The following MARCHF1 variants were observed in gnomAD, a reference collection of about 807,000 sequenced individuals.
MARCHF1 encodes membrane associated ring-CH-type finger 1.
Under a neutral mutation model 54.2 loss-of-function variants are expected in MARCHF1, and 40 were observed. That is an observed-to-expected ratio of 0.74 (90% CI 0.57 to 0.96). MARCHF1 has a LOEUF of 0.96. MARCHF1 is among the 40% of genes least tolerant of loss of function. The pLI, the probability that MARCHF1 is intolerant of heterozygous loss-of-function variation, is 0.00. For synonymous variants in MARCHF1, 236 were observed against 236.3 expected (o/e 1.00, Z 0.01); for missense variants, 586 against 656.5 (o/e 0.89, Z 1.17).
At chr4:163,973,879 G>A (rs1752599337) in intron 3 of MARCHF1, among the ~76,000 whole-genome samples, 1 of 152,192 alleles carries the variant, frequency 6.6e-6, no homozygotes, top group Non-Finnish European at 1.5e-5. Context: ...ATTTAATGAA[G>A]TGAATTTTCC....
At chr4:164,103,879 A>G (rs1755629250) in intron 2 of MARCHF1, among the ~76,000 whole-genome samples, 1 of 142,296 alleles carries the variant, frequency 7.0e-6, no homozygotes, top group East Asian at 2.0e-4. Flanking sequence ...CAAGACTAAT[A>G]AAGAAAAAAA....
intron 1 of MARCHF1, among the ~76,000 whole-genome samples, chr4:164,237,843 T>C (rs542111477): frequency 1.3e-5 from 2 of 152,062 alleles, no homozygotes; most frequent in East Asian, 3.9e-4. Flanking sequence ...AGAATATGCA[T>C]TCTTAAAAAG....
intron 4 of MARCHF1, among the ~76,000 whole-genome samples, chr4:163,725,422 G>T (rs187618894): frequency 4.4e-4 from 67 of 151,670 alleles, no homozygotes; most frequent in African/African-American, 1.5e-3. Flanking sequence ...AGGCTGAAGT[G>T]AGCCATGATT....
chr4:163,968,924 C>T lies in MARCHF1; in HGVS notation c.-39+19577G>A, dbSNP rs567817822. ...TTAGGAGGGCTAAGCTTAATTGCTC[C>T]CCCAGGCTTATGTAAAGCAGGGAGG... On this transcript the variant is annotated intron_variant, in intron 3 of 9. Coordinates refer to ENST00000514618, the MANE Select transcript of MARCHF1 (RefSeq NM_001394959.1). 1.9e-3 allele frequency among the ~76,000 whole-genome samples: 290 copies of T among 152,204 alleles called. 1 individual carries two copies. The highest frequency in any genetic ancestry group is 6.7e-3 in the African/African-American group (278 of 41,546).
At chr4:164,141,921 C>T (rs1215187170) in intron 1 of MARCHF1, among the ~76,000 whole-genome samples, 1 of 133,984 alleles carries the variant, frequency 7.5e-6, no homozygotes, top group African/African-American at 3.3e-5. Context: ...GGGTTCATCT[C>T]ACTAGGGAGT....
chr4:164,318,241 C>T (rs1735048707), intron 1 of MARCHF1, among the ~76,000 whole-genome samples: 1 of 152,104 alleles, frequency 6.6e-6, no homozygotes, highest in African/African-American at 2.4e-5. Flanking sequence ...CAGACTTGTG[C>T]TCTAGAAAAA....
intron 7 of MARCHF1, among the ~76,000 whole-genome samples, chr4:163,591,605 C>A (rs971038584): frequency 6.6e-6 from 1 of 151,988 alleles, no homozygotes; most frequent in Non-Finnish European, 1.5e-5. Context: ...CTAAAGATGG[C>A]AAAGCACTAG....
chr4:163,635,798 G>C (rs1742295755), intron 5 of MARCHF1, among the ~76,000 whole-genome samples: 1 of 152,068 alleles, frequency 6.6e-6, no homozygotes, highest in Non-Finnish European at 1.5e-5. Context: ...CCAAAAAAGA[G>C]AATTTTAGAC....
At chr4:163,568,987 G>A (rs775510786) in intron 8 of MARCHF1, among the ~76,000 whole-genome samples, 1 of 152,138 alleles carries the variant, frequency 6.6e-6, no homozygotes, top group Non-Finnish European at 1.5e-5. Flanking sequence ...GGCCAAGTAG[G>A]TTTCTCCTCC....
At chr4:163,654,237 G>A (rs1286517824) in intron 5 of MARCHF1, among the ~76,000 whole-genome samples, 3 of 151,630 alleles carry the variant, frequency 2.0e-5, no homozygotes, top group Admixed American at 6.6e-5. Flanking sequence ...CCTGACTAGA[G>A]GATGTTCAAA....
chr4:163,700,806 C>A lies in MARCHF1; in HGVS notation c.162+7G>T. The stretch of plus-strand genomic sequence containing the variant: ...TCAACAAACAAGAAAATGAGTACTT[C>A]ACCTACTTTTGAAATGTTACTTGAT... On this transcript the variant is annotated splice_region_variant and intron_variant, in intron 5 of 9. Transcript: ENST00000514618. The A allele has an allele frequency of 6.5e-7, 1 of 1,534,964 alleles. No homozygotes were observed. Among genetic ancestry groups the A allele is most frequent in the East Asian group, 2.5e-5 (1 of 40,786 alleles).
chr4:163,564,868 A>C (rs1739592538), intron 8 of MARCHF1, among the ~76,000 whole-genome samples: 1 of 148,628 alleles, frequency 6.7e-6, no homozygotes, highest in African/African-American at 2.6e-5. Flanking sequence ...ATCTCTGGGG[A>C]AACACTTTTT....
chr4:163,771,256 T>C (rs1207682233), intron 4 of MARCHF1, among the ~76,000 whole-genome samples: 1 of 152,178 alleles, frequency 6.6e-6, no homozygotes, highest in Non-Finnish European at 1.5e-5. Flanking sequence ...ATTAACAGTC[T>C]ACGATGTACG....
At chr4:164,065,983 C>A (rs1030070434) in intron 2 of MARCHF1, among the ~76,000 whole-genome samples, 2 of 152,160 alleles carry the variant, frequency 1.3e-5, no homozygotes, top group African/African-American at 4.8e-5. Context: ...GAAGTTGGGT[C>A]TTCCTCACCC....
intron 5 of MARCHF1, among the ~76,000 whole-genome samples, chr4:163,676,614 G>A (rs1258196367): frequency 2.6e-5 from 4 of 152,038 alleles, no homozygotes; most frequent in Non-Finnish European, 4.4e-5. Flanking sequence ...AAATTGGCAG[G>A]GCATGGTGGC....
chr4:163,783,319 A>G (rs897477524), intron 4 of MARCHF1, among the ~76,000 whole-genome samples: 1 of 152,238 alleles, frequency 6.6e-6, no homozygotes, highest in African/African-American at 2.4e-5. Context: ...AGGCAGCAGA[A>G]CCTATCCTGA....
rs147082420 is a variant in MARCHF1 at position 163,869,112 on chromosome 4, A to C, written c.-38-14943T>G. The stretch of plus-strand genomic sequence containing the variant: ...CTACTAGACATGCTCTCCCCCAAAA[A>C]CCCCCCAAAAAAAGATCTCTAGAGA... On this transcript the variant is annotated intron_variant, in intron 3 of 9. Transcript: ENST00000514618. Among the ~76,000 whole-genome samples, 344 of 151,528 alleles carry C rather than the reference A, an allele frequency of 2.3e-3. 3 individuals carry two copies. The highest frequency in any genetic ancestry group is 7.8e-3 in the African/African-American group (324 of 41,310).
chr4:164,324,918 C>T (rs905389679), intron 1 of MARCHF1, among the ~76,000 whole-genome samples: 3 of 150,366 alleles, frequency 2.0e-5, no homozygotes, highest in Non-Finnish European at 3.0e-5. Context: ...AACTAAAATG[C>T]CAATAATTTT....
At chr4:164,268,482 G>A (rs1010181374) in intron 1 of MARCHF1, among the ~76,000 whole-genome samples, 1 of 152,088 alleles carries the variant, frequency 6.6e-6, no homozygotes, top group African/African-American at 2.4e-5. Flanking sequence ...CTGTCCATCT[G>A]GATAAGATTT....
Sources: allele counts gnomAD v4.1 joint callset (sites outside exome capture counted in the v4.1 genomes callset), GRCh38; gene constraint gnomAD v4.1.1; transcripts MANE v1.5; gene names NCBI Gene and HGNC (gene_info 2026-07-23, HGNC 2026-07-21).